Variants in ZNF462 observed in about 807,000 individuals in gnomAD.
ZNF462 encodes zinc finger PBX1-interacting protein.
ZNF462 carries 10 observed loss-of-function variants against 201.9 expected under a neutral mutation model. The observed-to-expected ratio is 0.05, with a 90% confidence interval of 0.03 to 0.08. ZNF462 has a LOEUF of 0.08. Among genes scored for constraint, ZNF462 ranks in the 10% least tolerant of loss-of-function variants. The probability of loss-of-function intolerance (pLI) is 1.00; values close to 1 mark genes in which losing one functional copy is unlikely to be tolerated. For synonymous variants in ZNF462, 1,227 were observed against 1,193.3 expected (o/e 1.03, Z -0.58); for missense variants, 2,523 against 3,168.3 (o/e 0.80, Z 4.89).
intron 7 of ZNF462, among the ~76,000 whole-genome samples, chr9:106,943,051 T>TGCGC (rs757008438): frequency 1.2e-4 from 18 of 145,436 alleles, no homozygotes; most frequent in Middle Eastern, 3.5e-3. Context: ...AGTTTTGTTT[T>TGCGC]GCGCGCGCGT....
chr9:106,945,037 G>A (rs1588097471), intron 7 of ZNF462, among the ~76,000 whole-genome samples: 1 of 152,116 alleles, frequency 6.6e-6, no homozygotes. Context: ...ACTAACCCAT[G>A]CCATAGATGA....
Position 106,974,420 on chromosome 9 carries a change from G to A in ZNF462, c.6832+147G>A. On this transcript the variant is annotated intron_variant, in intron 9 of 12. Transcript: ENST00000277225. This position sits in a 1 kb window ranked among gnomAD's most constrained non-coding sequence, Gnocchi z 4.0. Reference sequence around the variant, plus strand: ...GCAAGAAACCACAGTGATAACCACAGTGACAGCCAAAAGGGCAAAAACACC... The same window carrying A: ...GCAAGAAACCACAGTGATAACCACAATGACAGCCAAAAGGGCAAAAACACC... The A allele has an allele frequency of 2.3e-6, 3 of 1,299,082 alleles. No individual in the cohort carries two copies. The highest frequency in any genetic ancestry group is 3.4e-5 in the Admixed American group (2 of 58,606). The allele number at this position is 1,299,082 out of a possible 1,614,324, so 80.5% of individuals were successfully genotyped here.
chr9:106,879,332 A>ACGCCCCC (rs1564072595), intron 1 of ZNF462, among the ~76,000 whole-genome samples: 1 of 70,632 alleles, frequency 1.4e-5, no homozygotes, highest in Non-Finnish European at 2.8e-5. Flanking sequence ...GATGCTTTCC[A>ACGCCCCC]CCCCCCCCCC....
Position 106,968,565 on chromosome 9 carries a change from T to A in ZNF462, c.6428-3440T>A, listed in dbSNP as rs1219269890. Among the ~76,000 whole-genome samples the A allele has an allele frequency of 6.6e-6, 1 of 151,982 alleles. No homozygotes were observed. The highest frequency in any genetic ancestry group is 1.5e-5 in the Non-Finnish European group (1 of 67,966). ...TTGGTTGGTTGGTTGGTTGGTTGGT[T>A]GGGAATGTATGGTGATGCTAAGCCA... On this transcript the variant is annotated intron_variant, in intron 7 of 12. Coordinates refer to ENST00000277225, the MANE Select transcript of ZNF462 (RefSeq NM_021224.6). This position sits in a 1 kb window ranked among gnomAD's most constrained non-coding sequence, Gnocchi z 4.0.
At position 106,924,051 on chromosome 9, in the gene ZNF462, A is replaced by G; in HGVS notation, c.221-82A>G. 1 of 1,196,334 alleles carries G rather than the reference A, an allele frequency of 8.4e-7. No homozygotes were observed. The highest frequency in any genetic ancestry group is 1.2e-6 in the Non-Finnish European group (1 of 858,914). The allele number at this position is 1,196,334 out of a possible 1,614,324, so 74.1% of individuals were successfully genotyped here. A position where few individuals can be genotyped will look rare whatever the true frequency, so the allele number is the denominator to read the frequency against. On this transcript the variant is annotated intron_variant, in intron 2 of 12. Coordinates refer to ENST00000277225, the MANE Select transcript of ZNF462 (RefSeq NM_021224.6). This position sits in a 1 kb window ranked among gnomAD's most constrained non-coding sequence, Gnocchi z 6.2. Reference sequence around the variant, plus strand: ...TGCATGTGATGTTTAGTAATGAAGAATAATTGGAATGGTACTGATTTGCAT... The same window carrying G: ...TGCATGTGATGTTTAGTAATGAAGAGTAATTGGAATGGTACTGATTTGCAT...
intron 7 of ZNF462, among the ~76,000 whole-genome samples, chr9:106,949,293 T>C (rs1304901512): frequency 6.6e-6 from 1 of 152,218 alleles, no homozygotes; most frequent in East Asian, 1.9e-4. Flanking sequence ...GCCCTAGCAC[T>C]GGGTAGGCCA....
rs34808503 is a variant in ZNF462 at position 106,926,183 on chromosome 9, C to G, written c.2271C>G (p.Ala757=). 1.3e-3 allele frequency: 2,132 copies of G among 1,614,106 alleles called. 3 individuals are homozygous for G. Among genetic ancestry groups the G allele is most frequent in the Non-Finnish European group, 1.7e-3 (1,956 of 1,180,028 alleles). Reference sequence around the variant, plus strand: ...TAGAGGTTCCCACTTCCTTTTCTGCCCAACAGATATGGGTAAGAGATACCA... The same window carrying G: ...TAGAGGTTCCCACTTCCTTTTCTGCGCAACAGATATGGGTAAGAGATACCA... The part of the protein sequence containing the change: ...PIIEVPTSFS[A]QQIWVRDTSE... Residue 757 remains alanine, a synonymous_variant, in exon 3 of 13, where the codon GCC becomes GCG. Transcript: ENST00000277225. The surrounding 1 kb of genome is among the most constrained non-coding windows in gnomAD (Gnocchi z 7.9).
intron 7 of ZNF462, among the ~76,000 whole-genome samples, chr9:106,945,952 A>G (rs933573566): frequency 1.3e-5 from 2 of 152,124 alleles, no homozygotes; most frequent in African/African-American, 2.4e-5. Flanking sequence ...CAAGATACCA[A>G]CCTGCCTGGG....
intron 1 of ZNF462, among the ~76,000 whole-genome samples, chr9:106,889,063 C>T (rs1828455915): frequency 6.6e-6 from 1 of 152,194 alleles, no homozygotes; most frequent in African/African-American, 2.4e-5. Flanking sequence ...CTTTAACTTG[C>T]CTTGGGGTCA....
chr9:106,931,197 G>A (rs1042156336), intron 4 of ZNF462, among the ~76,000 whole-genome samples: 5 of 152,108 alleles, frequency 3.3e-5, no homozygotes, highest in Non-Finnish European at 5.9e-5. Context: ...CGTTCAAGTC[G>A]CAATTGACCC....
intron 10 of ZNF462, among the ~76,000 whole-genome samples, chr9:106,989,454 GGATTTTAGT>G: frequency 6.6e-6 from 1 of 152,142 alleles, no homozygotes; most frequent in South Asian, 2.1e-4. Context: ...ATTTTGTTAA[GGATTTTAGT>G]GTCTGTGTTC....
intron 1 of ZNF462, among the ~76,000 whole-genome samples, chr9:106,922,873 G>T (rs750254777): frequency 2.0e-5 from 3 of 152,122 alleles, no homozygotes; most frequent in African/African-American, 7.2e-5. Context: ...TTCACTAATT[G>T]GTGATAAAAC....
chr9:107,008,828 T>TC lies in ZNF462; in HGVS notation c.7190-713dup, dbSNP rs1038257444. On this transcript the variant is annotated intron_variant, in intron 11 of 12. Transcript: ENST00000277225. The surrounding 1 kb of genome is among the most constrained non-coding windows in gnomAD (Gnocchi z 4.8). ...CAGACCGTCCAGAAATGTCTGCATA[T>TC]CCCCGTATTCATGAATACCACCAAT... 9.9e-5 allele frequency among the ~76,000 whole-genome samples: 15 copies of TC among 152,280 alleles called. No individual in the cohort carries two copies. Among genetic ancestry groups the TC allele is most frequent in the African/African-American group, 3.1e-4 (13 of 41,560 alleles).
rs530744864 is a variant in ZNF462 at position 106,911,618 on chromosome 9, G to A, written c.-30-11736G>A. On this transcript the variant is annotated intron_variant, in intron 1 of 12. Coordinates refer to ENST00000277225, the MANE Select transcript of ZNF462 (RefSeq NM_021224.6). ...GGATTAGACTTTGAGAACCACTGTC[G>A]TAAAGGATGGGAATTACTTAGACCT... Among the ~76,000 whole-genome samples, 3 of 152,294 alleles carry A rather than the reference G, an allele frequency of 2.0e-5. 1 individual carries two copies. The highest frequency in any genetic ancestry group is 4.1e-4 in the South Asian group (2 of 4,826).
At chr9:106,888,947 G>A (rs559390808) in intron 1 of ZNF462, among the ~76,000 whole-genome samples, 123 of 152,312 alleles carry the variant, frequency 8.1e-4, no homozygotes, top group Non-Finnish European at 1.5e-3. Context: ...ACAAAACTGG[G>A]AACAAACTAC....
rs1237400168 is a variant in ZNF462, at chr9:106,863,226, G to A, written c.-160G>A. 1 of 399,352 alleles carries A rather than the reference G, an allele frequency of 2.5e-6. No homozygotes were observed. The highest frequency in any genetic ancestry group is 1.3e-4 in the South Asian group (1 of 7,864). 24.7% of individuals were successfully genotyped at this position (399,352 alleles called of 1,614,324 possible). A position where few individuals can be genotyped will look rare whatever the true frequency, so the allele number is the denominator to read the frequency against. ...GATCCTCCATTGCTGAGACCCGGCA[G>A]AAGCACATGAGACTCCCAAACAACT... On this transcript the variant is annotated 5_prime_UTR_variant, in exon 1 of 13. Transcript: ENST00000277225.
upstream of ZNF462, among the ~76,000 whole-genome samples, chr9:106,860,766 G>A (rs1244691073): frequency 2.0e-5 from 3 of 152,160 alleles, no homozygotes; most frequent in African/African-American, 7.2e-5. The surrounding 1 kb of genome is among the most constrained non-coding windows in gnomAD (Gnocchi z 7.1). Context: ...AGGAATTTAT[G>A]GGGTGGCGGC....
At chr9:106,864,640 G>T (rs1827250836) in intron 1 of ZNF462, among the ~76,000 whole-genome samples, 2 of 152,140 alleles carry the variant, frequency 1.3e-5, no homozygotes, top group Non-Finnish European at 2.9e-5. Context: ...CTACAGAGAG[G>T]GAGGGAGGGA....
In ZNF462 at chr9:106,919,333, G is replaced by A. The variant is rs947170993; in HGVS notation, c.-30-4021G>A. ...TGAGCAGTGAGTTGGAAGGATGGAC[G>A]ATGAAGCTGTGGTTTGTCTCCTTCC... On this transcript the variant is annotated intron_variant, in intron 1 of 12. Transcript: ENST00000277225. This position sits in a 1 kb window ranked among gnomAD's most constrained non-coding sequence, Gnocchi z 4.5. 5.3e-5 allele frequency among the ~76,000 whole-genome samples: 8 copies of A among 152,214 alleles called. No individual in the cohort carries two copies. The highest frequency in any genetic ancestry group is 1.2e-4 in the African/African-American group (5 of 41,454).
Sources: gnomAD v4.1 joint callset for allele counts (sites outside exome capture counted in the v4.1 genomes callset) on GRCh38, gnomAD v4.1.1 for gene constraint, Gnocchi (gnomAD v3.1) non-coding constraint, MANE v1.5 for transcripts, NCBI Gene and HGNC (gene_info 2026-07-23, HGNC 2026-07-21) for gene names.